The following MEIS2 variants were observed in gnomAD, a reference collection of about 807,000 sequenced individuals.
MEIS2 encodes homeobox protein Meis2.
MEIS2 carries 9 observed loss-of-function variants against 58.6 expected under a neutral mutation model. That is an observed-to-expected ratio of 0.15 (90% CI 0.09 to 0.27). MEIS2 has a LOEUF of 0.27. MEIS2 is among the 10% of genes least tolerant of loss of function. The pLI is 1.00. For synonymous variants in MEIS2, 221 were observed against 228.4 expected (o/e 0.97, Z 0.29); for missense variants, 427 against 635.0 (o/e 0.67, Z 3.52).
chr15:37,097,909 GACAA>G (rs1467003815), intron 2 of MEIS2, 54 bp downstream of exon 2: 7 of 1,513,616 alleles, frequency 4.6e-6, no homozygotes, highest in African/African-American at 1.4e-5. Context: ...CCCCCACAGA[GACAA>G]ACACACACTC....
At chr15:36,976,507 A>G (rs1160900303) in intron 8 of MEIS2, among the ~76,000 whole-genome samples, 5 of 148,642 alleles carry the variant, frequency 3.4e-5, no homozygotes, top group Non-Finnish European at 5.9e-5. Flanking sequence ...TAATTATATT[A>G]TTATATGTAT....
rs372540616 is a variant in MEIS2 at position 36,894,792 on chromosome 15, T to C, written c.1147+359A>G. On this transcript the variant is annotated intron_variant, in intron 11 of 11. Transcript: ENST00000561208. ...CATTGCCCATCCATGCCCATATTCA[T>C]GCCCATTCCACTCATAGGTCCTAGA... 1.5e-5 allele frequency: 24 copies of C among 1,613,654 alleles called. No individual in the cohort carries two copies. The highest frequency in any genetic ancestry group is 1.9e-5 in the Non-Finnish European group (23 of 1,179,620).
chr15:37,092,412 T>C (rs1893635728), intron 6 of MEIS2, among the ~76,000 whole-genome samples: 1 of 152,046 alleles, frequency 6.6e-6, no homozygotes, highest in Non-Finnish European at 1.5e-5. Context: ...GGATGGGAGG[T>C]AGGGACAAAC....
At chr15:37,093,877 G>A (rs1249828682) in intron 5 of MEIS2, 147 bp from the exon 6 acceptor site, 5 of 962,888 alleles carry the variant, frequency 5.2e-6, no homozygotes, top group Non-Finnish European at 6.3e-6. Context: ...TCTAATTAAA[G>A]GGTGTAATAG....
chr15:37,095,777 A>G (rs945159423), intron 3 of MEIS2, 163 bp from the exon 4 acceptor site: 8 of 963,162 alleles, frequency 8.3e-6, no homozygotes, highest in Non-Finnish European at 1.2e-5. Context: ...GTCCCTGAAG[A>G]AGAATCAGGG....
chr15:36,960,204 T>C (rs564864370), intron 8 of MEIS2, among the ~76,000 whole-genome samples: 95 of 152,172 alleles, frequency 6.2e-4, no homozygotes, highest in African/African-American at 2.0e-3. Context: ...ATAGCTAACA[T>C]GGATTTAAAG....
intron 7 of MEIS2, among the ~76,000 whole-genome samples, chr15:37,064,367 C>G: frequency 6.6e-6 from 1 of 152,056 alleles, no homozygotes; most frequent in East Asian, 1.9e-4. Context: ...TACATAAAAA[C>G]ATATTTACAA....
chr15:36,894,862 GA>G, intron 11 of MEIS2: 1 of 1,410,482 alleles, frequency 7.1e-7, no homozygotes, highest in Non-Finnish European at 1.0e-6. Context: ...AGCAATAATT[GA>G]TGGTGAAAAA....
At chr15:37,071,250 A>G (rs952615930) in intron 7 of MEIS2, among the ~76,000 whole-genome samples, 1 of 152,148 alleles carries the variant, frequency 6.6e-6, no homozygotes, top group African/African-American at 2.4e-5. Flanking sequence ...AGAATCTTAC[A>G]GTCAAGCAAG....
chr15:37,028,994 GC>G (rs2061809002), intron 8 of MEIS2, among the ~76,000 whole-genome samples: 7 of 151,784 alleles, frequency 4.6e-5, no homozygotes, highest in Non-Finnish European at 7.4e-5. Flanking sequence ...GCTTAGGACA[GC>G]ATGTCCACGG....
At chr15:36,966,828 C>T (rs1033588619) in intron 8 of MEIS2, among the ~76,000 whole-genome samples, 2 of 152,014 alleles carry the variant, frequency 1.3e-5, no homozygotes, top group Non-Finnish European at 2.9e-5. Context: ...GTAGGGTAGC[C>T]AGGGAGAGCA....
intron 8 of MEIS2, among the ~76,000 whole-genome samples, chr15:37,035,370 G>C (rs2062110306): frequency 6.6e-6 from 1 of 152,198 alleles, no homozygotes; most frequent in Admixed American, 6.5e-5. Flanking sequence ...GGGCTTTGCT[G>C]TTGCAGCTTC....
chr15:37,034,476 T>C (rs568334225), intron 8 of MEIS2, among the ~76,000 whole-genome samples: 34 of 152,316 alleles, frequency 2.2e-4, no homozygotes, highest in African/African-American at 8.2e-4. Flanking sequence ...GATGAAAGCA[T>C]TCTTGAGGTG....
At chr15:36,894,187 G>A (rs1211148621) in intron 11 of MEIS2, among the ~76,000 whole-genome samples, 2 of 152,058 alleles carry the variant, frequency 1.3e-5, no homozygotes, top group Non-Finnish European at 2.9e-5. Flanking sequence ...AAAACACACC[G>A]ACTCCCTAGT....
chr15:37,002,777 G>A (rs1356663212), intron 8 of MEIS2, among the ~76,000 whole-genome samples: 1 of 152,148 alleles, frequency 6.6e-6, no homozygotes, highest in African/African-American at 2.4e-5. Context: ...TGAAATAGAT[G>A]TAATGAAGTA....
At position 36,892,272 on chromosome 15, in the gene MEIS2, AG is replaced by A. The variant is rs745916184; in HGVS notation, c.1334del (p.Pro445LeufsTer6). 3.7e-6 allele frequency: 6 copies of A among 1,613,998 alleles called. No homozygotes were observed. Among genetic ancestry groups the A allele is most frequent in the East Asian group, 2.2e-5 (1 of 44,876 alleles). Reference sequence around the variant, plus strand: ...CTGACATAGTCATTCCAGGGTGGGTAGGGGGTCCTCCGTGCATCATCATGGC... The same window carrying A: ...CTGACATAGTCATTCCAGGGTGGGTAGGGGTCCTCCGTGCATCATCATGGC... ...HPAMMMHGGPPTHPGMTMSAQ... is the reference protein window; with the variant it reads ...HPAMMMHGGPXTHPGMTMSAQ... On this transcript the variant is annotated frameshift_variant, in exon 12 of 12. Transcript: ENST00000561208. LOFTEE classifies it high-confidence loss of function.
intron 8 of MEIS2, among the ~76,000 whole-genome samples, chr15:37,026,498 A>G (rs949970426): frequency 6.6e-6 from 1 of 152,196 alleles, no homozygotes; most frequent in Non-Finnish European, 1.5e-5. Context: ...TAAAATCTAG[A>G]CAGTTATATT....
chr15:37,023,728 T>C lies in MEIS2; in HGVS notation c.900+13086A>G, dbSNP rs1034744300. 3.9e-5 allele frequency among the ~76,000 whole-genome samples: 6 copies of C among 152,246 alleles called. No homozygotes were observed. In the South Asian group the frequency reaches 1.2e-3, roughly 32 times the overall value. Reference sequence around the variant, plus strand: ...TCAGCCCGGCCCTTTTTGCTCCAAGTCTGCATTTCCGTGCCTTCCTAATTC... The same window carrying C: ...TCAGCCCGGCCCTTTTTGCTCCAAGCCTGCATTTCCGTGCCTTCCTAATTC... On this transcript the variant is annotated intron_variant, in intron 8 of 11. Transcript: ENST00000561208.
rs1203416468 is a variant in MEIS2 at position 36,889,823 on chromosome 15, C to T, written c.*2350G>A. 6 of 152,096 alleles carry T rather than the reference C, an allele frequency of 3.9e-5. No individual in the cohort carries two copies. The highest frequency in any genetic ancestry group is 1.4e-4 in the African/African-American group (6 of 41,426). The allele number at this position is 152,096 out of a possible 1,614,324, so 9.4% of individuals were successfully genotyped here. On this transcript the variant is annotated 3_prime_UTR_variant, in exon 12 of 12. Coordinates refer to ENST00000561208, the MANE Select transcript of MEIS2 (RefSeq NM_170675.5). Reference sequence around the variant, plus strand: ...CAAATATTTAAAATTTACAAAAAGACTTCATGTAAAATAGAATAGCAAAAA... The same window carrying T: ...CAAATATTTAAAATTTACAAAAAGATTTCATGTAAAATAGAATAGCAAAAA...
Sources: allele counts gnomAD v4.1 joint callset (sites outside exome capture counted in the v4.1 genomes callset), GRCh38; gene constraint gnomAD v4.1.1; transcripts MANE v1.5; gene names NCBI Gene and HGNC (gene_info 2026-07-23, HGNC 2026-07-21).